The following TSHZ3 variants were observed in gnomAD, a reference collection of about 807,000 sequenced individuals.
The protein encoded by TSHZ3 is teashirt zinc finger homeobox 3, also known as teashirt homolog 3.
In TSHZ3, 10 loss-of-function variants were observed where a neutral mutation model predicts 64.5. The ratio of observed to expected loss-of-function variants is 0.16; its 90% CI spans 0.10 to 0.26. The LOEUF is 0.26. TSHZ3 is among the 10% of genes least tolerant of loss of function. The pLI is 1.00. For synonymous variants in TSHZ3, 608 were observed against 593.1 expected, an observed-to-expected ratio of 1.03 and a Z score of -0.36; for missense variants, 1,242 against 1,421.7, an observed-to-expected ratio of 0.87 and a Z score of 2.03.
intron 5 of TSHZ3, among the ~76,000 whole-genome samples, chr19:31,171,457 A>T (rs1051068678): frequency 6.6e-6 from 1 of 152,108 alleles, no homozygotes; most frequent in Non-Finnish European, 1.5e-5. Context: ...GGGAAAACTG[A>T]AATTAGGGAG....
intron 1 of TSHZ3, among the ~76,000 whole-genome samples, chr19:31,282,066 C>G (rs1458813720): frequency 6.6e-6 from 1 of 152,178 alleles, no homozygotes; most frequent in Non-Finnish European, 1.5e-5. Context: ...TCTCGGGGAA[C>G]AGCTGGAGCA....
At chr19:31,234,703 T>C (rs981483519) in intron 3 of TSHZ3, among the ~76,000 whole-genome samples, 3 of 152,260 alleles carry the variant, frequency 2.0e-5, no homozygotes, top group Non-Finnish European at 4.4e-5. Flanking sequence ...TTTTCCATGT[T>C]GGAACATCTT....
intron 1 of TSHZ3, among the ~76,000 whole-genome samples, chr19:31,310,308 G>A (rs1916420584): frequency 2.0e-5 from 3 of 152,120 alleles, no homozygotes; most frequent in Admixed American, 2.0e-4. Flanking sequence ...GTGTGGGGCA[G>A]ATTAGAGGAG....
At chr19:31,301,778 T>C (rs1441000735) in intron 1 of TSHZ3, among the ~76,000 whole-genome samples, 1 of 152,148 alleles carries the variant, frequency 6.6e-6, no homozygotes, top group African/African-American at 2.4e-5. Context: ...GCAGCCAGCA[T>C]GCTTCGATTT....
intron 1 of TSHZ3, among the ~76,000 whole-genome samples, chr19:31,315,794 T>C (rs896615003): frequency 4.6e-5 from 7 of 152,202 alleles, no homozygotes; most frequent in Admixed American, 3.9e-4. Flanking sequence ...TTATAATCCA[T>C]CACGCAAGGC....
In TSHZ3 at chr19:31,336,006, A is replaced by T. The variant is rs1232102762; in HGVS notation, c.40+13174T>A. Among the ~76,000 whole-genome samples the T allele has an allele frequency of 4.6e-5, 7 of 152,348 alleles. No individual in the cohort carries two copies. In the South Asian group the frequency reaches 1.4e-3, roughly 32 times the overall value. ...CTGAAAACGGTGTCCCAGCTCAAAA[A>T]TGTGTTGCTTTCTTCCTTTTCATGA... On this transcript the variant is annotated intron_variant, in intron 1 of 1. Coordinates refer to ENST00000240587, the MANE Select transcript of TSHZ3 (RefSeq NM_020856.4).
chr19:31,172,489 C>T lies in TSHZ3; in HGVS notation n.810-16072G>A, dbSNP rs371408860. 3.3e-4 allele frequency among the ~76,000 whole-genome samples: 51 copies of T among 152,326 alleles called. No individual in the cohort carries two copies. The South Asian group carries it at 0.01, about 31-fold the overall frequency. On this transcript the variant is annotated intron_variant and non_coding_transcript_variant, in intron 5 of 6. Coordinates refer to the TSHZ3 transcript ENST00000651361. ...TGAAATGCAAAACATGCAATTCACA[C>T]ATACTCAAGAAATGCACAGGCAAGT...
chr19:31,187,824 C>T (rs956374174), intron 5 of TSHZ3, among the ~76,000 whole-genome samples: 2 of 152,062 alleles, frequency 1.3e-5, no homozygotes, highest in African/African-American at 2.4e-5. Flanking sequence ...GTCTTGATAA[C>T]TTTAGTTTCA....
intron 5 of TSHZ3, among the ~76,000 whole-genome samples, chr19:31,169,335 C>T (rs375049692): frequency 5.8e-4 from 88 of 152,240 alleles, no homozygotes; most frequent in African/African-American, 2.0e-3. Context: ...TTCATAGCAG[C>T]ATTATTCACA....
At chr19:31,220,037 A>G (rs76571419) in intron 4 of TSHZ3, among the ~76,000 whole-genome samples, 2,033 of 152,208 alleles carry the variant, frequency 0.013, 51 homozygotes, top group African/African-American at 0.047. Context: ...CCCACTACCC[A>G]TTTACCTTGT....
chr19:31,278,263 A>G lies in TSHZ3; in HGVS notation c.1530T>C (p.Asn510=), dbSNP rs1392325186. The change falls in exon 2 of 2, where the codon AAT becomes AAC. Residue 510 remains asparagine (N), a synonymous_variant. Transcript: ENST00000240587. The surrounding 1 kb of genome is among the most constrained non-coding windows in gnomAD (Gnocchi z 4.7). ...CCCCCTTGGGACTCTCTTCTAAGTC[A>G]TTTTCAGTCAAGTAATGGTATTTGG... ...ISSKYHYLTE[N]DLEESPKGGL... 1 of 1,614,004 alleles carries G rather than the reference A, an allele frequency of 6.2e-7. No homozygotes were observed. The highest frequency in any genetic ancestry group is 1.3e-5 in the African/African-American group (1 of 74,982).
intron 1 of TSHZ3, among the ~76,000 whole-genome samples, chr19:31,286,747 T>A (rs1353295509): frequency 6.6e-6 from 1 of 151,880 alleles, no homozygotes; most frequent in Non-Finnish European, 1.5e-5. Flanking sequence ...CAGAACCTTC[T>A]CAATTCCCCC....
At chr19:31,205,564 A>G (rs1975154977) in intron 4 of TSHZ3, among the ~76,000 whole-genome samples, 1 of 152,172 alleles carries the variant, frequency 6.6e-6, no homozygotes, top group Admixed American at 6.5e-5. Context: ...TCCTGGCCCC[A>G]GCTGGCTCTG....
At chr19:31,310,656 C>T (rs1916432934) in intron 1 of TSHZ3, among the ~76,000 whole-genome samples, 1 of 152,190 alleles carries the variant, frequency 6.6e-6, no homozygotes, top group Non-Finnish European at 1.5e-5. Context: ...TGAAAGGACA[C>T]TAGGACCTCA....
exon 7 of TSHZ3, among the ~76,000 whole-genome samples, chr19:31,150,143 C>T (rs1974220417): frequency 6.6e-6 from 1 of 150,600 alleles, no homozygotes; most frequent in Non-Finnish European, 1.5e-5. Flanking sequence ...TGATTTTTTT[C>T]CCCTTCTTTT....
intron 1 of TSHZ3, among the ~76,000 whole-genome samples, chr19:31,342,083 T>C (rs1320211475): frequency 6.6e-6 from 1 of 152,246 alleles, no homozygotes. Context: ...TTTACATTTT[T>C]TATGTACTTA....
chr19:31,193,305 GTC>G (rs1203910289), intron 5 of TSHZ3, among the ~76,000 whole-genome samples: 6 of 152,138 alleles, frequency 3.9e-5, no homozygotes, highest in African/African-American at 1.4e-4. Context: ...GCAGGAAGCA[GTC>G]TCTGTCAGTA....
At chr19:31,166,740 A>G (rs1210513642) in intron 5 of TSHZ3, among the ~76,000 whole-genome samples, 1 of 152,194 alleles carries the variant, frequency 6.6e-6, no homozygotes, top group Non-Finnish European at 1.5e-5. Context: ...AACTGCTACA[A>G]CCAATATCAT....
At chr19:31,311,911 A>C (rs904516706) in intron 1 of TSHZ3, among the ~76,000 whole-genome samples, 3 of 152,126 alleles carry the variant, frequency 2.0e-5, no homozygotes, top group African/African-American at 7.2e-5. Flanking sequence ...TTTAGTAGAG[A>C]TGGGGTTTCA....
Sources: allele counts gnomAD v4.1 joint callset (sites outside exome capture counted in the v4.1 genomes callset), GRCh38; gene constraint gnomAD v4.1.1; non-coding constraint Gnocchi (gnomAD v3.1); transcripts MANE v1.5; gene names NCBI Gene and HGNC (gene_info 2026-07-23, HGNC 2026-07-21).